The following LGSN variants were observed in gnomAD, a reference collection of about 807,000 sequenced individuals.
The protein encoded by LGSN is lengsin, lens protein with glutamine synthetase domain, also known as lengsin.
Under a neutral mutation model 19.5 loss-of-function variants are expected in LGSN, and 21 were observed. The observed-to-expected ratio is 1.07, with a 90% confidence interval of 0.76 to 1.55. LGSN has a LOEUF of 1.55. Ranked by LOEUF, LGSN falls within the 40% of genes most tolerant of loss-of-function variation. The probability of loss-of-function intolerance (pLI) is 0.00; values close to 1 mark genes in which losing one functional copy is unlikely to be tolerated. For synonymous variants in LGSN, 257 were observed against 215.6 expected, an observed-to-expected ratio of 1.19 and a Z score of -1.68; for missense variants, 673 against 608.5, an observed-to-expected ratio of 1.11 and a Z score of -1.12.
chr6:63,498,475 T>C, the LGSN span, among the ~76,000 whole-genome samples: 11 of 152,214 alleles, frequency 7.2e-5, no homozygotes, highest in South Asian at 1.0e-3. Context: ...CCATTTTCTA[T>C]TGGCTCCCAT....
chr6:63,423,095 C>G, the LGSN span, among the ~76,000 whole-genome samples: 1 of 152,044 alleles, frequency 6.6e-6, no homozygotes, highest in Non-Finnish European at 1.5e-5. Flanking sequence ...TTCTGTAATC[C>G]CAACACTTTG....
upstream of LGSN, chr6:63,320,097 T>A (rs921068162): frequency 1.9e-5 from 12 of 628,886 alleles, no homozygotes; most frequent in Non-Finnish European, 3.4e-5. Context: ...AAGATAAACA[T>A]CAGATTCTGA....
chr6:63,464,683 A>T, the LGSN span, among the ~76,000 whole-genome samples: 2 of 152,072 alleles, frequency 1.3e-5, no homozygotes, highest in South Asian at 4.1e-4. Context: ...TCATCACTAA[A>T]ATTTAAATTA....
chr6:63,439,182 C>T, the LGSN span, among the ~76,000 whole-genome samples: 16 of 151,776 alleles, frequency 1.1e-4, no homozygotes, highest in East Asian at 3.1e-3. Flanking sequence ...GGAAGGGGAA[C>T]ATCACACTCT....
chr6:63,400,036 C>A, the LGSN span, among the ~76,000 whole-genome samples: 1 of 152,098 alleles, frequency 6.6e-6, no homozygotes, highest in Non-Finnish European at 1.5e-5. Context: ...TATATTTCCA[C>A]ATGATTTTGA....
At chr6:63,390,491 C>T in the LGSN span, among the ~76,000 whole-genome samples, 1 of 151,872 alleles carries the variant, frequency 6.6e-6, no homozygotes, top group African/African-American at 2.4e-5. Context: ...GCCAAATTCA[C>T]CACTTCATTG....
At chr6:63,288,333 C>T (rs571449260) in intron 2 of LGSN, among the ~76,000 whole-genome samples, 1 of 151,582 alleles carries the variant, frequency 6.6e-6, no homozygotes, top group African/African-American at 2.4e-5. Context: ...TCATACTGAA[C>T]GTGTACCTAG....
At chr6:63,353,266 C>T in the LGSN span, among the ~76,000 whole-genome samples, 12 of 152,042 alleles carry the variant, frequency 7.9e-5, no homozygotes, top group African/African-American at 2.9e-4. Flanking sequence ...CCAGAAATTG[C>T]AGATTTCTGT....
the LGSN span, among the ~76,000 whole-genome samples, chr6:63,416,122 T>G: frequency 6.9e-6 from 1 of 144,512 alleles, no homozygotes; most frequent in Non-Finnish European, 1.5e-5. Context: ...GCTTTTTTTT[T>G]TGCTTTTTTT....
At chr6:63,470,721 T>C in the LGSN span, among the ~76,000 whole-genome samples, 1 of 151,936 alleles carries the variant, frequency 6.6e-6, no homozygotes, top group Non-Finnish European at 1.5e-5. Flanking sequence ...GAGATGGACA[T>C]ATAATAAAGT....
the LGSN span, among the ~76,000 whole-genome samples, chr6:63,526,575 C>T: frequency 5.3e-5 from 8 of 151,576 alleles, no homozygotes; most frequent in Admixed American, 2.6e-4. Context: ...TTTGGGAGAC[C>T]GAGGCAGGCG....
At chr6:63,532,580 T>G in the LGSN span, among the ~76,000 whole-genome samples, 1 of 151,860 alleles carries the variant, frequency 6.6e-6, no homozygotes, top group Non-Finnish European at 1.5e-5. Context: ...AAAAAAAAAA[T>G]CTCCCCATTC....
the LGSN span, among the ~76,000 whole-genome samples, chr6:63,412,771 G>GAAACAAACAAA: frequency 2.9e-5 from 1 of 34,268 alleles, no homozygotes; most frequent in Non-Finnish European, 5.2e-5. Flanking sequence ...AAGAAAGAAA[G>GAAACAAACAAA]GAAGGAAGGG....
chr6:63,508,748 C>T, the LGSN span, among the ~76,000 whole-genome samples: 2 of 151,450 alleles, frequency 1.3e-5, no homozygotes, highest in Non-Finnish European at 2.9e-5. Context: ...GAAATCCTGC[C>T]TCTACTAAAA....
intron 1 of LGSN, among the ~76,000 whole-genome samples, chr6:63,298,555 T>C (rs1227976978): frequency 6.6e-6 from 1 of 152,140 alleles, no homozygotes; most frequent in Admixed American, 6.6e-5. Context: ...TTCGGCTTAG[T>C]TGATCAAGAT....
the LGSN span, among the ~76,000 whole-genome samples, chr6:63,385,762 G>T: frequency 3.9e-5 from 6 of 152,196 alleles, no homozygotes; most frequent in Non-Finnish European, 7.4e-5. Context: ...CTTAAATGAA[G>T]TCCAAAGTCA....
rs1767258046 is a variant in LGSN at position 63,280,535 on chromosome 6, A to T, written c.1016T>A (p.Ile339Asn). 1 of 1,614,046 alleles carries T rather than the reference A, an allele frequency of 6.2e-7. No individual in the cohort carries two copies. The change falls in exon 4 of 4, where the codon ATC becomes AAC. Residue 339 changes from isoleucine to asparagine, a missense_variant. Physicochemically the swap from Ile to Asn is moderately radical, Grantham distance 149 (BLOSUM62 -3). Transcript: ENST00000370657. ...CSTSGTEQLT[I>N]TGKKWLAGLL... ...TCCTGCCAACCATTTTTTCCCAGTG[A>T]TCGTGAGCTGCTCAGTTCCAGAAGT...
the LGSN span, among the ~76,000 whole-genome samples, chr6:63,451,771 G>A: frequency 1.8e-4 from 27 of 151,408 alleles, no homozygotes; most frequent in Non-Finnish European, 2.9e-4. Flanking sequence ...TAAAAAAAAA[G>A]AAAAAAGTAA....
At chr6:63,354,453 C>T in the LGSN span, among the ~76,000 whole-genome samples, 1 of 151,876 alleles carries the variant, frequency 6.6e-6, no homozygotes, top group Non-Finnish European at 1.5e-5. Flanking sequence ...ACCATCTTAC[C>T]CCAGTTAGAA....
Sources: gnomAD v4.1 joint callset for allele counts (sites outside exome capture counted in the v4.1 genomes callset) on GRCh38, gnomAD v4.1.1 for gene constraint, MANE v1.5 for transcripts, NCBI Gene and HGNC (gene_info 2026-07-23, HGNC 2026-07-21) for gene names.